The following BUB1B variants were observed in gnomAD, a reference collection of about 807,000 sequenced individuals.
The protein encoded by BUB1B is mitotic checkpoint serine/threonine-protein kinase BUB1 beta.
Under a neutral mutation model 137.7 loss-of-function variants are expected in BUB1B, and 86 were observed. That is an observed-to-expected ratio of 0.62 (90% CI 0.52 to 0.75). BUB1B has a LOEUF of 0.75. Ranked by LOEUF, BUB1B falls within the 30% of genes least tolerant of loss-of-function variation. BUB1B has a pLI of 0.00. For synonymous variants in BUB1B, 420 were observed against 417.9 expected, an observed-to-expected ratio of 1.00 and a Z score of -0.06; for missense variants, 1,130 against 1,236.9, an observed-to-expected ratio of 0.91 and a Z score of 1.30.
At chr15:40,166,300 T>C (rs1039589206) in intron 2 of BUB1B, 12 of 420,488 alleles carry the variant, frequency 2.9e-5, no homozygotes, top group Non-Finnish European at 4.6e-5. Context: ...TGGACATTCT[T>C]GAACAAGGCT....
At chr15:40,190,990 C>T (rs2037430025) in intron 8 of BUB1B, among the ~76,000 whole-genome samples, 1 of 151,888 alleles carries the variant, frequency 6.6e-6, no homozygotes, top group Non-Finnish European at 1.5e-5. Context: ...CGGGTTCAAC[C>T]GATTCTTGTA....
rs2037894247 is a variant in BUB1B, at chr15:40,220,811, T to C, written c.*52T>C. 6.4e-7 allele frequency: 1 copy of C among 1,550,512 alleles called. No homozygotes were observed. The highest frequency in any genetic ancestry group is 1.7e-5 in the Admixed American group (1 of 59,888). On this transcript the variant is annotated 3_prime_UTR_variant, in exon 23 of 23. Coordinates refer to ENST00000287598, the MANE Select transcript of BUB1B (RefSeq NM_001211.6). The stretch of plus-strand genomic sequence containing the variant: ...CTGCCTCAGAGCAATGGTTGTATTG[T>C]GGAACACTGAAACTGTATGTGCTGT...
intron 2 of BUB1B, among the ~76,000 whole-genome samples, chr15:40,167,437 G>A (rs2037113519): frequency 6.8e-6 from 1 of 146,756 alleles, no homozygotes; most frequent in South Asian, 2.1e-4. Flanking sequence ...CCGCCTCCCG[G>A]GTTCAAGTGA....
intron 14 of BUB1B, 69 bp downstream of exon 14, chr15:40,202,763 T>A: frequency 7.5e-7 from 1 of 1,330,756 alleles, no homozygotes; most frequent in Non-Finnish European, 1.1e-6. Context: ...CACAAAAGCT[T>A]AAGGTTAAAA....
At chr15:40,177,259 A>G (rs967708935) in intron 5 of BUB1B, among the ~76,000 whole-genome samples, 4 of 152,150 alleles carry the variant, frequency 2.6e-5, no homozygotes, top group Non-Finnish European at 5.9e-5. Context: ...TTTTTCTTGT[A>G]TGGATCGTGC....
At chr15:40,191,670 CA>C (rs1256201492) in intron 8 of BUB1B, among the ~76,000 whole-genome samples, 1 of 152,104 alleles carries the variant, frequency 6.6e-6, no homozygotes, top group Non-Finnish European at 1.5e-5. Context: ...GGAAGGAGTC[CA>C]AATTCATTTT....
chr15:40,170,024 A>G (rs945912773), intron 2 of BUB1B, 38 bp from the exon 3 acceptor site: 3 of 1,514,732 alleles, frequency 2.0e-6, no homozygotes, highest in Non-Finnish European at 2.8e-6. Flanking sequence ...GGCTGTTGTC[A>G]CTATTGCATA....
At chr15:40,204,773 A>G (rs949225206) in intron 14 of BUB1B, among the ~76,000 whole-genome samples, 4 of 151,166 alleles carry the variant, frequency 2.6e-5, no homozygotes, top group African/African-American at 9.7e-5. Flanking sequence ...ATTAGCTGGG[A>G]CTACAGGTGT....
chr15:40,166,539 AC>A, intron 2 of BUB1B: 1 of 275,616 alleles, frequency 3.6e-6, no homozygotes, highest in Non-Finnish European at 7.1e-6. Context: ...ACGGGGTTTC[AC>A]CGTGTTAGCC....
chr15:40,191,189 GA>G (rs760611125), intron 8 of BUB1B, among the ~76,000 whole-genome samples: 7 of 152,260 alleles, frequency 4.6e-5, no homozygotes, highest in South Asian at 2.1e-4. Context: ...CGCCTGGCCA[GA>G]ATGACTTGTA....
intron 9 of BUB1B, among the ~76,000 whole-genome samples, chr15:40,199,288 C>G (rs997147301): frequency 6.6e-6 from 1 of 152,070 alleles, no homozygotes; most frequent in Non-Finnish European, 1.5e-5. Flanking sequence ...TGTGTTGCCC[C>G]CAAATTTGAA....
chr15:40,217,249 A>G (rs772038795), intron 20 of BUB1B, among the ~76,000 whole-genome samples: 6 of 152,204 alleles, frequency 3.9e-5, no homozygotes, highest in Non-Finnish European at 8.8e-5. Flanking sequence ...AGCTTGATAA[A>G]TGTTTAATGG....
rs1410068770 is a variant in BUB1B at position 40,212,492 on chromosome 15, C to T, written c.2386-7C>T. The T allele has an allele frequency of 6.2e-7, 1 of 1,609,058 alleles. No homozygotes were observed. The highest frequency in any genetic ancestry group is 1.7e-5 in the Admixed American group (1 of 60,028). On this transcript the variant is annotated splice_polypyrimidine_tract_variant and splice_region_variant and intron_variant, in intron 18 of 22. Coordinates refer to ENST00000287598, the MANE Select transcript of BUB1B (RefSeq NM_001211.6). The stretch of plus-strand genomic sequence containing the variant: ...TGAACTTATTTTTAAAATACAATGT[C>T]TTACAGGTATCTTCTCAACCTGTCC...
At chr15:40,211,057 T>G (rs2037704665) in intron 18 of BUB1B, among the ~76,000 whole-genome samples, 1 of 152,172 alleles carries the variant, frequency 6.6e-6, no homozygotes, top group Admixed American at 6.5e-5. Context: ...ATTCTCTAAT[T>G]CCTTTTATTA....
intron 22 of BUB1B, 34 bp downstream of exon 22, chr15:40,218,596 T>C: frequency 2.7e-6 from 4 of 1,491,884 alleles, no homozygotes; most frequent in Non-Finnish European, 3.7e-6. Context: ...TCTCTGCCTG[T>C]CCCAATAATT....
In BUB1B at chr15:40,185,434, G is replaced by A. The variant is rs1167809601; in HGVS notation, c.966+55G>A. The A allele has an allele frequency of 1.0e-5, 16 of 1,596,840 alleles. No individual in the cohort carries two copies. In the South Asian group the frequency reaches 1.7e-4, roughly 17 times the overall value. Reference sequence around the variant, plus strand: ...GACACAACAAAGACTTCACATTTAGGGTAGAGAAGTATTTTTACCATCTCT... The same window carrying A: ...GACACAACAAAGACTTCACATTTAGAGTAGAGAAGTATTTTTACCATCTCT... On this transcript the variant is annotated intron_variant, in intron 7 of 22. Transcript: ENST00000287598.
intron 20 of BUB1B, 107 bp downstream of exon 20, chr15:40,213,581 G>GT: frequency 7.9e-7 from 1 of 1,264,646 alleles, no homozygotes; most frequent in Non-Finnish European, 1.1e-6. Context: ...TGTCACCTAG[G>GT]TTGGAGTACA....
At chr15:40,183,638 C>G (rs2037322739) in intron 5 of BUB1B, 76 bp from the exon 6 acceptor site, 1 of 1,410,908 alleles carries the variant, frequency 7.1e-7, no homozygotes, top group Non-Finnish European at 1.0e-6. Flanking sequence ...AATTTGTTTA[C>G]TTTAACAAAT....
chr15:40,208,697 C>T lies in BUB1B; in HGVS notation c.2070C>T (p.Ala690=). Residue 690 remains alanine (A), a synonymous_variant, in exon 16 of 23, where the codon GCC becomes GCT. Coordinates refer to ENST00000287598, the MANE Select transcript of BUB1B (RefSeq NM_001211.6). ...THSSGFSGSS[A]SVASTSSIKC... ...CCTCTGGCTTCTCTGGTTCTTCTGC[C>T]TCGGTTGCAAGCACCTCCTCCATCA... The T allele has an allele frequency of 6.2e-7, 1 of 1,613,862 alleles. No homozygotes were observed. Among genetic ancestry groups the T allele is most frequent in the South Asian group, 1.1e-5 (1 of 91,082 alleles).
Sources: allele counts gnomAD v4.1 joint callset (sites outside exome capture counted in the v4.1 genomes callset), GRCh38; gene constraint gnomAD v4.1.1; transcripts MANE v1.5; gene names NCBI Gene and HGNC (gene_info 2026-07-23, HGNC 2026-07-21).